Variants in GAS7 observed in about 807,000 individuals in gnomAD.
The protein encoded by GAS7 is growth arrest specific 7, also known as growth arrest-specific protein 7.
A neutral mutation model predicts 71.1 loss-of-function variants in GAS7; 28 were observed. The ratio of observed to expected loss-of-function variants is 0.39; its 90% confidence interval spans 0.29 to 0.54. The LOEUF (loss-of-function observed/expected upper bound fraction) is 0.54, where lower values mean the gene tolerates loss of function less well. GAS7 is among the 20% of genes least tolerant of loss of function. The pLI, the probability that GAS7 is intolerant of heterozygous loss-of-function variation, is 0.62. For missense variants in GAS7, 436 were observed against 627.8 expected (o/e 0.69, Z 3.27); for synonymous variants, 258 against 245.8 (o/e 1.05, Z -0.46).
At chr17:10,145,555 G>A (rs952044447) in intron 1 of GAS7, among the ~76,000 whole-genome samples, 1 of 152,200 alleles carries the variant, frequency 6.6e-6, no homozygotes, top group African/African-American at 2.4e-5. Context: ...CAGCACTCAG[G>A]CCCCCCAGGA....
chr17:10,178,474 T>G (rs2074389332), intron 1 of GAS7, among the ~76,000 whole-genome samples: 1 of 152,032 alleles, frequency 6.6e-6, no homozygotes, highest in Admixed American at 6.6e-5. Context: ...GAAGCCCATC[T>G]GAAATTCTAA....
At chr17:10,009,318 CAAAA>C (rs541133967) in intron 2 of GAS7, among the ~76,000 whole-genome samples, 7 of 78,566 alleles carry the variant, frequency 8.9e-5, no homozygotes, top group Non-Finnish European at 1.0e-4. Flanking sequence ...GAGACTCCGT[CAAAA>C]AAAAAAAAAA....
At position 10,198,464 on chromosome 17, in the gene GAS7, G is replaced by A; in HGVS notation, c.-74C>T. On this transcript the variant is annotated 5_prime_UTR_variant, in exon 1 of 14. Coordinates refer to ENST00000432992, the MANE Select transcript of GAS7 (RefSeq NM_201433.2). ...CACGGGCTGGGCAGCGGCTCCGCGG[G>A]GTCCCAGGCGCCCGGCGCTCCGGGC... The A allele has an allele frequency of 8.7e-7, 1 of 1,149,754 alleles. No individual in the cohort carries two copies. Among genetic ancestry groups the A allele is most frequent in the East Asian group, 3.2e-5 (1 of 31,016 alleles). 71.2% of individuals were successfully genotyped at this position (1,149,754 alleles called of 1,614,324 possible).
intron 1 of GAS7, among the ~76,000 whole-genome samples, chr17:10,067,968 G>A (rs570463169): frequency 8.7e-4 from 132 of 152,294 alleles, no homozygotes; most frequent in African/African-American, 2.7e-3. Flanking sequence ...TCGGGGTGTG[G>A]CCTCTCTGAT....
Position 9,916,477 on chromosome 17 carries a change from G to A in GAS7, c.*751C>T, listed in dbSNP as rs578073627. 3 of 234,332 alleles carry A rather than the reference G, an allele frequency of 1.3e-5. No individual in the cohort carries two copies. Among genetic ancestry groups the A allele is most frequent in the African/African-American group, 2.2e-5 (1 of 45,510 alleles). 14.5% of individuals were successfully genotyped at this position (234,332 alleles called of 1,614,324 possible). On this transcript the variant is annotated 3_prime_UTR_variant, in exon 14 of 14. Coordinates refer to ENST00000432992, the MANE Select transcript of GAS7 (RefSeq NM_201433.2). ...GCAGGGTGGGGGCAGGGGCCTCCCC[G>A]AGGAAGCAGCTGGGGGAAGGATGGA...
intron 2 of GAS7, among the ~76,000 whole-genome samples, chr17:9,998,849 A>G (rs541971792): frequency 3.9e-4 from 59 of 152,166 alleles, no homozygotes; most frequent in African/African-American, 1.2e-3. Context: ...CCCTTTTTTC[A>G]TAAGTTAGTA....
intron 1 of GAS7, chr17:10,020,203 G>A (rs1049639468): frequency 7.4e-6 from 2 of 269,820 alleles, no homozygotes; most frequent in South Asian, 1.7e-4. Context: ...AATCACTCAC[G>A]GGGTGCTGAG....
intron 2 of GAS7, among the ~76,000 whole-genome samples, chr17:10,005,735 A>C (rs867899228): frequency 6.6e-6 from 1 of 152,180 alleles, no homozygotes; most frequent in Non-Finnish European, 1.5e-5. Flanking sequence ...CAATCCAGCA[A>C]GTGACATCTA....
At chr17:10,145,717 T>A (rs1429542173) in intron 1 of GAS7, among the ~76,000 whole-genome samples, 1 of 151,344 alleles carries the variant, frequency 6.6e-6, no homozygotes, top group Admixed American at 6.6e-5. Flanking sequence ...GTGGGGGAGG[T>A]GGGCTTTAGG....
intron 1 of GAS7, among the ~76,000 whole-genome samples, chr17:10,180,878 C>G (rs1355557632): frequency 6.6e-6 from 1 of 151,874 alleles, no homozygotes; most frequent in African/African-American, 2.4e-5. Flanking sequence ...GAACTATAAC[C>G]CTTTGTTTTC....
intron 2 of GAS7, among the ~76,000 whole-genome samples, chr17:9,982,812 AAAGGAAAGAAAGG>A (rs2070464076): frequency 1.3e-4 from 7 of 52,914 alleles, no homozygotes; most frequent in African/African-American, 1.0e-3. Context: ...GAAAGGAAAG[AAAGGAAAGAAAGG>A]AAAGAAAGAA....
At chr17:10,093,547 C>T (rs1264058657) in intron 1 of GAS7, among the ~76,000 whole-genome samples, 26 of 95,802 alleles carry the variant, frequency 2.7e-4, no homozygotes, top group African/African-American at 1.1e-3. Context: ...AGTGAGACTC[C>T]GTCTCAAAAA....
intron 5 of GAS7, among the ~76,000 whole-genome samples, chr17:9,953,222 T>C (rs1026979500): frequency 3.3e-5 from 5 of 152,038 alleles, no homozygotes; most frequent in Non-Finnish European, 7.4e-5. Context: ...GAAGCCATTA[T>C]CCTTAGCAAA....
chr17:10,151,335 GT>G (rs935227339), intron 1 of GAS7, among the ~76,000 whole-genome samples: 71 of 147,484 alleles, frequency 4.8e-4, no homozygotes, highest in African/African-American at 1.3e-3. Flanking sequence ...TTTTGTTTTT[GT>G]TTTTTTTTTA....
At chr17:10,184,373 G>T (rs1413660747) in intron 1 of GAS7, among the ~76,000 whole-genome samples, 1 of 152,186 alleles carries the variant, frequency 6.6e-6, no homozygotes, top group Non-Finnish European at 1.5e-5. Flanking sequence ...TCTGTCCTCG[G>T]ATTAAATATA....
At chr17:9,931,385 T>G (rs1161500795) in intron 9 of GAS7, among the ~76,000 whole-genome samples, 1 of 152,214 alleles carries the variant, frequency 6.6e-6, no homozygotes, top group Non-Finnish European at 1.5e-5. Context: ...TCAGGGGTCC[T>G]GCTGATGGGG....
At chr17:10,169,650 C>T (rs2074320917) in intron 1 of GAS7, among the ~76,000 whole-genome samples, 1 of 152,150 alleles carries the variant, frequency 6.6e-6, no homozygotes, top group South Asian at 2.1e-4. Flanking sequence ...TTCTCCTTTA[C>T]AGTTGGCTTG....
At chr17:9,979,861 TTA>T (rs2070346393) in intron 3 of GAS7, among the ~76,000 whole-genome samples, 1 of 134,784 alleles carries the variant, frequency 7.4e-6, no homozygotes, top group African/African-American at 2.7e-5. Flanking sequence ...TTTGATTGTT[TTA>T]AAAAAAAAAA....
intron 1 of GAS7, among the ~76,000 whole-genome samples, chr17:10,185,633 G>C (rs1050680239): frequency 1.3e-5 from 2 of 152,188 alleles, no homozygotes; most frequent in African/African-American, 4.8e-5. Flanking sequence ...CCAATTTACA[G>C]CCGGTCAATC....
Sources: gnomAD v4.1 joint callset for allele counts (sites outside exome capture counted in the v4.1 genomes callset) on GRCh38, gnomAD v4.1.1 for gene constraint, MANE v1.5 for transcripts, NCBI Gene and HGNC (gene_info 2026-07-23, HGNC 2026-07-21) for gene names.